ROCK2: variants seen among roughly 807,000 people sequenced by gnomAD.
ROCK2 encodes Rho associated coiled-coil containing protein kinase 2.
A neutral mutation model predicts 195.1 loss-of-function variants in ROCK2; 61 were observed. That is an observed-to-expected ratio of 0.31 (90% CI 0.25 to 0.39). The LOEUF (loss-of-function observed/expected upper bound fraction) is 0.39, where lower values mean the gene tolerates loss of function less well. ROCK2 is among the 10% of genes least tolerant of loss of function. ROCK2 has a pLI of 1.00. For missense variants in ROCK2, 1,109 were observed against 1,637.4 expected, an observed-to-expected ratio of 0.68 and a Z score of 5.57; for synonymous variants, 504 against 545.5, an observed-to-expected ratio of 0.92 and a Z score of 1.06.
intron 3 of ROCK2, among the ~76,000 whole-genome samples, chr2:11,280,295 A>C (rs1250746460): frequency 6.6e-6 from 1 of 152,110 alleles, no homozygotes; most frequent in Non-Finnish European, 1.5e-5. Flanking sequence ...GAAATGAAGG[A>C]GGGAAAACCA....
intron 1 of ROCK2, among the ~76,000 whole-genome samples, chr2:11,307,185 T>C (rs1295758088): frequency 2.6e-5 from 4 of 152,240 alleles, no homozygotes; most frequent in Non-Finnish European, 4.4e-5. Context: ...GATCTTATGG[T>C]TTCTACACAT....
At chr2:11,275,990 G>A (rs1248484040) in intron 3 of ROCK2, among the ~76,000 whole-genome samples, 4 of 151,936 alleles carry the variant, frequency 2.6e-5, no homozygotes, top group Non-Finnish European at 4.4e-5. Context: ...GTGAGCCACC[G>A]TGCCCTGCCT....
At chr2:11,328,201 G>A (rs1428012161) in intron 1 of ROCK2, among the ~76,000 whole-genome samples, 2 of 151,846 alleles carry the variant, frequency 1.3e-5, no homozygotes, top group African/African-American at 4.8e-5. Flanking sequence ...ACCCCAATGC[G>A]ACTAATTACA....
intron 1 of ROCK2, among the ~76,000 whole-genome samples, chr2:11,320,740 T>C (rs1349078116): frequency 6.6e-6 from 1 of 152,148 alleles, no homozygotes; most frequent in East Asian, 1.9e-4. Flanking sequence ...GGTCCCTCCC[T>C]GAGAGGAGAA....
At chr2:11,254,670 G>A (rs1008728772) in intron 3 of ROCK2, among the ~76,000 whole-genome samples, 1 of 127,086 alleles carries the variant, frequency 7.9e-6, no homozygotes, top group South Asian at 2.8e-4. Flanking sequence ...TGAGGCAGGA[G>A]GACTGCTTAA....
At chr2:11,227,720 T>C (rs185057304) in intron 5 of ROCK2, among the ~76,000 whole-genome samples, 1 of 152,288 alleles carries the variant, frequency 6.6e-6, no homozygotes. Flanking sequence ...ACTACAGTTA[T>C]GAGGTTAGTA....
chr2:11,283,728 T>G (rs959079243), intron 3 of ROCK2, among the ~76,000 whole-genome samples: 1 of 152,162 alleles, frequency 6.6e-6, no homozygotes, highest in Non-Finnish European at 1.5e-5. Flanking sequence ...CCAAAACACT[T>G]GTTTTTTGTC....
At chr2:11,308,879 T>C (rs957329936) in intron 1 of ROCK2, 4 of 1,611,822 alleles carry the variant, frequency 2.5e-6, no homozygotes, top group African/African-American at 1.3e-5. Flanking sequence ...AAGAAAGCAA[T>C]TGCAATTATT....
At chr2:11,224,141 A>G (rs1436482364) in intron 7 of ROCK2, among the ~76,000 whole-genome samples, 181 bp downstream of exon 7, 1 of 152,206 alleles carries the variant, frequency 6.6e-6, no homozygotes, top group Non-Finnish European at 1.5e-5. Flanking sequence ...TGGGCTGTAC[A>G]CACATAACAA....
At position 11,332,546 on chromosome 2, in the gene ROCK2, T is replaced by C. The variant is rs532507940; in HGVS notation, c.141+11450A>G. On this transcript the variant is annotated intron_variant, in intron 1 of 32. Coordinates refer to ENST00000315872, the MANE Select transcript of ROCK2 (RefSeq NM_004850.5). The stretch of plus-strand genomic sequence containing the variant: ...AAACAGTGGCCAACATCATTTGTCA[T>C]TGGTAAAATGCACTACAATGGCTAT... Among the ~76,000 whole-genome samples, 12 of 152,354 alleles carry C rather than the reference T, an allele frequency of 7.9e-5. No individual in the cohort carries two copies. The South Asian group carries it at 1.0e-3, about 13-fold the overall frequency.
chr2:11,305,370 C>T (rs12692436), intron 1 of ROCK2, among the ~76,000 whole-genome samples: 37,496 of 151,088 alleles, frequency 0.25, 5,357 homozygotes, highest in East Asian at 0.54. Context: ...AGCGAGACTC[C>T]GTCTCAAAAA....
chr2:11,311,586 T>TAG (rs1166296904), intron 1 of ROCK2, among the ~76,000 whole-genome samples: 8 of 152,328 alleles, frequency 5.3e-5, no homozygotes, highest in Non-Finnish European at 7.4e-5. Flanking sequence ...AATTACTGAA[T>TAG]AGATTAAGGT....
At chr2:11,229,482 G>C (rs760999537) in intron 5 of ROCK2, among the ~76,000 whole-genome samples, 10 of 151,654 alleles carry the variant, frequency 6.6e-5, no homozygotes, top group Non-Finnish European at 1.2e-4. Flanking sequence ...CAGGGTATGG[G>C]AATATGGAGC....
chr2:11,263,959 G>T, intron 3 of ROCK2, among the ~76,000 whole-genome samples: 1 of 141,984 alleles, frequency 7.0e-6, no homozygotes, highest in East Asian at 2.0e-4. Context: ...ATAAGGAGGT[G>T]GGGAAATAAA....
At chr2:11,288,615 T>C (rs889298131) in intron 1 of ROCK2, among the ~76,000 whole-genome samples, 3 of 152,164 alleles carry the variant, frequency 2.0e-5, no homozygotes, top group African/African-American at 7.2e-5. Context: ...CTCATCCCTC[T>C]AGTCTCAATG....
chr2:11,185,314 G>A (rs1243049579), intron 32 of ROCK2, among the ~76,000 whole-genome samples: 1 of 152,202 alleles, frequency 6.6e-6, no homozygotes, highest in Non-Finnish European at 1.5e-5. Flanking sequence ...AAAGCCACAG[G>A]TACATAAGTA....
chr2:11,223,102 G>A (rs1457308507), intron 7 of ROCK2, among the ~76,000 whole-genome samples: 3 of 151,986 alleles, frequency 2.0e-5, no homozygotes, highest in South Asian at 2.1e-4. Context: ...AGAAAGAGGC[G>A]TCTCTCCTTC....
chr2:11,294,204 AGAAAG>A (rs1384406018), intron 1 of ROCK2, among the ~76,000 whole-genome samples: 4 of 152,172 alleles, frequency 2.6e-5, no homozygotes, highest in Non-Finnish European at 4.4e-5. Context: ...GAGAAAGAAA[AGAAAG>A]GAAAGAAAGG....
chr2:11,214,698 TG>T (rs1298665333), intron 16 of ROCK2, 141 bp downstream of exon 16: 1 of 821,524 alleles, frequency 1.2e-6, no homozygotes, highest in African/African-American at 1.7e-5. Flanking sequence ...CCTAAAATTT[TG>T]TATCAGTGTA....
Sources: gnomAD v4.1 joint callset for allele counts (sites outside exome capture counted in the v4.1 genomes callset) on GRCh38, gnomAD v4.1.1 for gene constraint, MANE v1.5 for transcripts, NCBI Gene and HGNC (gene_info 2026-07-23, HGNC 2026-07-21) for gene names.